The following LMO2 variants were observed in gnomAD, a reference collection of about 807,000 sequenced individuals.
LMO2 encodes LIM domain only 2.
LMO2 carries 20 observed loss-of-function variants against 23.2 expected under a neutral mutation model. The observed-to-expected ratio is 0.86, with a 90% confidence interval of 0.61 to 1.25. The LOEUF is 1.25. Among genes scored for constraint, LMO2 ranks in the 50% most tolerant of loss-of-function variants. LMO2 has a pLI of 0.00. For missense variants in LMO2, 270 were observed against 315.3 expected, an observed-to-expected ratio of 0.86 and a Z score of 1.09; for synonymous variants, 123 against 130.2, an observed-to-expected ratio of 0.94 and a Z score of 0.38.
chr11:33,881,258 G>A, intron 2 of LMO2: 1 of 457,074 alleles, frequency 2.2e-6, no homozygotes, highest in South Asian at 1.5e-5. Flanking sequence ...ATTGCAGAAG[G>A]CCGCCTTGGG....
chr11:33,863,932 G>T (rs1165244831), intron 5 of LMO2, among the ~76,000 whole-genome samples: 2 of 152,152 alleles, frequency 1.3e-5, no homozygotes, highest in Admixed American at 1.3e-4. Flanking sequence ...ATCCTTAGAG[G>T]TAGGTGCTAT....
At chr11:33,862,181 T>G (rs1430756433) in intron 5 of LMO2, among the ~76,000 whole-genome samples, 1 of 152,106 alleles carries the variant, frequency 6.6e-6, no homozygotes, top group African/African-American at 2.4e-5. Context: ...CAAGCCAAGT[T>G]GTATCCTCAG....
In LMO2 at chr11:33,869,963, T is replaced by G. The variant is rs1856965035; in HGVS notation, c.-247A>C. Reference sequence around the variant, plus strand: ...GGTCTATTTTCGCTCAGCTTCCCTCTGTCTCTGGTTTCATTTCCTTTTTCC... The same window carrying G: ...GGTCTATTTTCGCTCAGCTTCCCTCGGTCTCTGGTTTCATTTCCTTTTTCC... On this transcript the variant is annotated 5_prime_UTR_variant, in exon 3 of 6. Coordinates refer to ENST00000257818, the MANE Select transcript of LMO2 (RefSeq NM_005574.4). 3 of 1,038,674 alleles carry G rather than the reference T, an allele frequency of 2.9e-6. No homozygotes were observed. Among genetic ancestry groups the G allele is most frequent in the Admixed American group, 5.6e-5 (1 of 17,850 alleles). 64.3% of individuals were successfully genotyped at this position (1,038,674 alleles called of 1,614,324 possible).
rs995264473 is a variant in LMO2 at position 33,869,544 on chromosome 11, G to C, written c.50C>G (p.Pro17Arg). 80 of 1,273,784 alleles carry C rather than the reference G, an allele frequency of 6.3e-5. 1 individual carries two copies. In the African/African-American group the frequency reaches 1.2e-3, roughly 18 times the overall value. The allele number at this position is 1,273,784 out of a possible 1,614,324, so 78.9% of individuals were successfully genotyped here. A position where few individuals can be genotyped will look rare whatever the true frequency, so the allele number is the denominator to read the frequency against. ...CCTCCGCTTGCTCCGGCGCTCCGCC[G>C]GCGAGCTCGCCCCTCCGCGCTCAAG... ...TVLERGGASS[P>R]AERRSKRRRR... The change falls in exon 4 of 6, where the codon CCG becomes CGG. Residue 17 changes from proline to arginine, a missense_variant. Physicochemically the swap from Pro to Arg is moderately radical, Grantham distance 103. Coordinates refer to ENST00000257818, the MANE Select transcript of LMO2 (RefSeq NM_005574.4).
At chr11:33,863,873 A>C (rs573050259) in intron 5 of LMO2, among the ~76,000 whole-genome samples, 2 of 152,346 alleles carry the variant, frequency 1.3e-5, no homozygotes, top group East Asian at 3.9e-4. Context: ...TATTTGATCC[A>C]TACCAAGCCA....
At chr11:33,862,930 T>A (rs1434739805) in intron 5 of LMO2, among the ~76,000 whole-genome samples, 2 of 152,014 alleles carry the variant, frequency 1.3e-5, no homozygotes, top group South Asian at 4.2e-4. Flanking sequence ...TTAATTAACA[T>A]TGGGTTCTCC....
intron 1 of LMO2, among the ~76,000 whole-genome samples, chr11:33,891,417 G>A (rs1857549460): frequency 6.6e-6 from 1 of 150,840 alleles, no homozygotes; most frequent in Admixed American, 6.6e-5. Flanking sequence ...AGTTGCTGGG[G>A]AGATCATGGT....
intron 1 of LMO2, among the ~76,000 whole-genome samples, chr11:33,882,771 A>G (rs1243484290): frequency 6.6e-6 from 1 of 152,198 alleles, no homozygotes; most frequent in East Asian, 1.9e-4. Flanking sequence ...TATTATTCCA[A>G]TTTTACAGAG....
chr11:33,860,706 G>A (rs1015180918), intron 5 of LMO2, among the ~76,000 whole-genome samples: 1 of 152,126 alleles, frequency 6.6e-6, no homozygotes, highest in African/African-American at 2.4e-5. Flanking sequence ...GGAGGTGGAG[G>A]TTGCAGTGAG....
chr11:33,862,032 C>T (rs1343564882), intron 5 of LMO2, among the ~76,000 whole-genome samples: 1 of 152,166 alleles, frequency 6.6e-6, no homozygotes, highest in Admixed American at 6.5e-5. Flanking sequence ...ACCTCTGGCA[C>T]CAAGAATTGG....
chr11:33,864,847 C>A lies in LMO2; in HGVS notation c.249-30G>T. The A allele has an allele frequency of 6.3e-7, 1 of 1,599,732 alleles. No individual in the cohort carries two copies. The highest frequency in any genetic ancestry group is 1.1e-5 in the South Asian group (1 of 90,816). ...AGAGAAGGCCAAGCATCAGGGACAG[C>A]CTCACCAGAGTGAGACCAGCACCGA... On this transcript the variant is annotated intron_variant, in intron 4 of 5. Transcript: ENST00000257818. The surrounding 1 kb of genome is among the most constrained non-coding windows in gnomAD (Gnocchi z 4.8).
intron 5 of LMO2, among the ~76,000 whole-genome samples, chr11:33,860,272 T>C (rs1260345679): frequency 2.6e-5 from 4 of 152,188 alleles, no homozygotes; most frequent in African/African-American, 9.7e-5. Flanking sequence ...CGCTGCCCAC[T>C]GGCATGAATC....
At chr11:33,863,015 C>T (rs1285273918) in intron 5 of LMO2, among the ~76,000 whole-genome samples, 1 of 151,880 alleles carries the variant, frequency 6.6e-6, no homozygotes, top group Admixed American at 6.6e-5. Context: ...GGTTTTATTC[C>T]TGAATGTTAT....
chr11:33,879,967 C>T (rs564414199), intron 2 of LMO2, among the ~76,000 whole-genome samples: 1 of 152,022 alleles, frequency 6.6e-6, no homozygotes, highest in East Asian at 1.9e-4. Context: ...AACAGAATTA[C>T]CATATGATCT....
rs565654660 is a variant in LMO2, at chr11:33,877,779, T to C, written c.-272+4045A>G. On this transcript the variant is annotated intron_variant, in intron 2 of 5. Coordinates refer to ENST00000257818, the MANE Select transcript of LMO2 (RefSeq NM_005574.4). ...TGCACCCTACCTGTCTCCAGATTCT[T>C]AAGCGACAAACCTCAGCAGGAAGGA... is the stretch of plus-strand genomic sequence containing the variant. Among the ~76,000 whole-genome samples, 7 of 152,086 alleles carry C rather than the reference T, an allele frequency of 4.6e-5. No homozygotes were observed. In the East Asian group the frequency reaches 1.4e-3, roughly 29 times the overall value.
chr11:33,860,368 G>A (rs1856525640), intron 5 of LMO2, among the ~76,000 whole-genome samples: 1 of 152,196 alleles, frequency 6.6e-6, no homozygotes, highest in Admixed American at 6.5e-5. Context: ...AGTATTCAGT[G>A]TCAAGGTGGG....
chr11:33,869,682 C>T (rs1405693243), intron 3 of LMO2, 28 bp downstream of exon 3: 2 of 1,272,464 alleles, frequency 1.6e-6, no homozygotes, highest in South Asian at 2.2e-5. Flanking sequence ...CAGGCGGCTG[C>T]AGCTGCTGCT....
intron 5 of LMO2, among the ~76,000 whole-genome samples, chr11:33,860,093 C>T (rs1240251374): frequency 1.3e-5 from 2 of 152,134 alleles, no homozygotes; most frequent in Non-Finnish European, 1.5e-5. Flanking sequence ...GCCTTGAATA[C>T]CTCCATAAGC....
At chr11:33,885,428 T>C (rs1205954811) in intron 1 of LMO2, among the ~76,000 whole-genome samples, 1 of 152,166 alleles carries the variant, frequency 6.6e-6, no homozygotes, top group Non-Finnish European at 1.5e-5. Context: ...CAGAAGTGTT[T>C]GGTGTTGGTG....
Sources: gnomAD v4.1 joint callset for allele counts (sites outside exome capture counted in the v4.1 genomes callset) on GRCh38, gnomAD v4.1.1 for gene constraint, Gnocchi (gnomAD v3.1) non-coding constraint, MANE v1.5 for transcripts, NCBI Gene and HGNC (gene_info 2026-07-23, HGNC 2026-07-21) for gene names.